NELL2: variants seen among roughly 807,000 people sequenced by gnomAD.
NELL2 encodes the protein protein kinase C-binding protein NELL2.
Under a neutral mutation model 109.6 loss-of-function variants are expected in NELL2, and 41 were observed. That is an observed-to-expected ratio of 0.37 (90% CI 0.29 to 0.49). The LOEUF (loss-of-function observed/expected upper bound fraction) is 0.49, where lower values mean the gene tolerates loss of function less well. Ranked by LOEUF, NELL2 falls within the 20% of genes least tolerant of loss-of-function variation. The probability of loss-of-function intolerance (pLI) is 0.98; values close to 1 mark genes in which losing one functional copy is unlikely to be tolerated. For missense variants in NELL2, 900 were observed against 1,008.3 expected, an observed-to-expected ratio of 0.89 and a Z score of 1.45; for synonymous variants, 355 against 344.7, an observed-to-expected ratio of 1.03 and a Z score of -0.33.
chr12:44,863,101 C>A (rs973094028), intron 2 of NELL2, among the ~76,000 whole-genome samples: 3 of 152,056 alleles, frequency 2.0e-5, no homozygotes, highest in African/African-American at 4.8e-5. Context: ...CCTAGCCCCC[C>A]ACCCCACGAC....
At chr12:44,653,075 G>A (rs754076395) in intron 13 of NELL2, among the ~76,000 whole-genome samples, 11 of 152,160 alleles carry the variant, frequency 7.2e-5, no homozygotes, top group African/African-American at 1.4e-4. Flanking sequence ...CTTGTGCCAC[G>A]TAAGGTAGCA....
chr12:44,741,979 C>T (rs578242603), intron 9 of NELL2, among the ~76,000 whole-genome samples: 4 of 152,290 alleles, frequency 2.6e-5, no homozygotes, highest in African/African-American at 9.6e-5. Context: ...TCCCAGCACA[C>T]AGTTTGAGAT....
At chr12:44,602,423 C>T (rs541275634) in intron 15 of NELL2, among the ~76,000 whole-genome samples, 41 of 152,206 alleles carry the variant, frequency 2.7e-4, no homozygotes, top group African/African-American at 9.9e-4. Context: ...TTCCTTAATT[C>T]CAAATTGTCT....
intron 15 of NELL2, among the ~76,000 whole-genome samples, chr12:44,553,554 A>G (rs926213352): frequency 1.3e-5 from 2 of 152,178 alleles, no homozygotes; most frequent in Non-Finnish European, 2.9e-5. Flanking sequence ...GTAAATTTTA[A>G]AAAGGTCAAA....
intron 15 of NELL2, among the ~76,000 whole-genome samples, chr12:44,584,313 G>A (rs558560203): frequency 5.9e-4 from 90 of 152,362 alleles, no homozygotes; most frequent in Middle Eastern, 3.4e-3. Flanking sequence ...TGGCCTTTCT[G>A]TGGGACAAAT....
chr12:44,558,280 A>C (rs1316757276), intron 15 of NELL2, among the ~76,000 whole-genome samples: 1 of 152,228 alleles, frequency 6.6e-6, no homozygotes, highest in African/African-American at 2.4e-5. Flanking sequence ...TGCATAAAAA[A>C]TAGTCCATAA....
chr12:44,576,944 A>G (rs1200556406), intron 15 of NELL2, among the ~76,000 whole-genome samples: 31 of 143,828 alleles, frequency 2.2e-4, no homozygotes, highest in Non-Finnish European at 4.1e-4. Context: ...CCAGTCTATC[A>G]TTGTTGGACA....
intron 15 of NELL2, among the ~76,000 whole-genome samples, chr12:44,580,676 G>A (rs1944292344): frequency 6.6e-6 from 1 of 152,140 alleles, no homozygotes; most frequent in Non-Finnish European, 1.5e-5. Context: ...TCGCGCTACT[G>A]CACTCTAGCC....
At chr12:44,694,520 A>AACACACACACACACAC (rs60024794) in intron 12 of NELL2, among the ~76,000 whole-genome samples, 21 of 144,394 alleles carry the variant, frequency 1.5e-4, no homozygotes, top group Middle Eastern at 3.6e-3. Flanking sequence ...CACACATACA[A>AACACACACACACACAC]ACACACACAC....
chr12:44,854,146 T>C (rs1218301515), intron 2 of NELL2, among the ~76,000 whole-genome samples: 1 of 152,208 alleles, frequency 6.6e-6, no homozygotes, highest in Non-Finnish European at 1.5e-5. Flanking sequence ...TCTGGGACAC[T>C]TAATGGTCCA....
At chr12:44,692,418 C>T (rs982884471) in intron 12 of NELL2, among the ~76,000 whole-genome samples, 2 of 152,122 alleles carry the variant, frequency 1.3e-5, no homozygotes, top group Non-Finnish European at 2.9e-5. Flanking sequence ...CTGATGGCAA[C>T]GCACTAGGAG....
At chr12:44,679,320 A>G (rs1047746170) in intron 12 of NELL2, among the ~76,000 whole-genome samples, 1 of 152,142 alleles carries the variant, frequency 6.6e-6, no homozygotes, top group African/African-American at 2.4e-5. Context: ...GAGAACTGGT[A>G]GAGTCAAAGG....
intron 1 of NELL2, among the ~76,000 whole-genome samples, chr12:44,921,442 G>T (rs909339855): frequency 6.6e-6 from 1 of 152,114 alleles, no homozygotes; most frequent in African/African-American, 2.4e-5. Context: ...TAGCAAGATG[G>T]GTCAGAGAGT....
chr12:44,895,885 C>T (rs1592709478), intron 1 of NELL2, among the ~76,000 whole-genome samples: 3 of 152,122 alleles, frequency 2.0e-5, no homozygotes, highest in East Asian at 1.9e-4. Flanking sequence ...TCATCTAACA[C>T]ATTTACACTG....
intron 9 of NELL2, among the ~76,000 whole-genome samples, chr12:44,770,454 C>T (rs1011750360): frequency 3.9e-5 from 6 of 152,044 alleles, no homozygotes; most frequent in Admixed American, 3.9e-4. Context: ...CCAGAAAATC[C>T]GACTTGTAAC....
At chr12:44,816,600 C>T (rs892687207) in intron 2 of NELL2, among the ~76,000 whole-genome samples, 2 of 152,192 alleles carry the variant, frequency 1.3e-5, no homozygotes, top group Non-Finnish European at 2.9e-5. Context: ...CCACCCTCCA[C>T]ATTGGTTTCT....
intron 9 of NELL2, among the ~76,000 whole-genome samples, chr12:44,715,165 G>A (rs1263934623): frequency 6.6e-6 from 1 of 151,198 alleles, no homozygotes; most frequent in African/African-American, 2.4e-5. Context: ...TTTTAAAATA[G>A]AACATTATAA....
intron 2 of NELL2, among the ~76,000 whole-genome samples, chr12:44,844,091 T>C (rs1029305308): frequency 6.6e-6 from 1 of 152,196 alleles, no homozygotes; most frequent in Non-Finnish European, 1.5e-5. Context: ...TGTGACTTCA[T>C]GTGGCAAAAG....
chr12:44,914,063 C>G (rs1945807479), upstream of NELL2: 1 of 230,566 alleles, frequency 4.3e-6, no homozygotes, highest in Non-Finnish European at 8.8e-6. Context: ...CTGCCATGGT[C>G]TAAGTCATCA....
Sources: gnomAD v4.1 joint callset for allele counts (sites outside exome capture counted in the v4.1 genomes callset) on GRCh38, gnomAD v4.1.1 for gene constraint, MANE v1.5 for transcripts, NCBI Gene and HGNC (gene_info 2026-07-23, HGNC 2026-07-21) for gene names.